The following TNFRSF13B variants were observed in gnomAD, a reference collection of about 807,000 sequenced individuals.
TNFRSF13B encodes the protein tumor necrosis factor receptor superfamily member 13B.
A neutral mutation model predicts 24.0 loss-of-function variants in TNFRSF13B; 34 were observed. The ratio of observed to expected loss-of-function variants is 1.41; its 90% CI spans 1.08 to 1.88. The LOEUF (loss-of-function observed/expected upper bound fraction) is 1.88, where lower values mean the gene tolerates loss of function less well. Among genes scored for constraint, TNFRSF13B ranks in the 40% most tolerant of loss-of-function variants. The pLI is 0.00. For synonymous variants in TNFRSF13B, 173 were observed against 150.3 expected (o/e 1.15, Z -1.10); for missense variants, 415 against 380.8 (o/e 1.09, Z -0.75).
Position 16,967,258 on chromosome 17 carries a change from A to G in TNFRSF13B, c.61+4757T>C, listed in dbSNP as rs76477752. ...TAGATTGTTCTGTAGCTATCAACAA[A>G]AGTAATGAGGAAGCTCTCTGTATGT... On this transcript the variant is annotated intron_variant, in intron 1 of 4. Transcript: ENST00000261652. Among the ~76,000 whole-genome samples the G allele has an allele frequency of 1.3e-3, 200 of 152,286 alleles. 1 individual carries two copies. Among genetic ancestry groups the G allele is most frequent in the Middle Eastern group, 0.01 (3 of 294 alleles).
intron 1 of TNFRSF13B, among the ~76,000 whole-genome samples, chr17:16,955,749 C>T (rs898285480): frequency 6.6e-6 from 1 of 152,230 alleles, no homozygotes; most frequent in African/African-American, 2.4e-5. Flanking sequence ...TCTGTGCCTC[C>T]TGCTAAATGA....
intron 1 of TNFRSF13B, among the ~76,000 whole-genome samples, chr17:16,970,412 G>A (rs1256164895): frequency 1.3e-5 from 2 of 152,122 alleles, no homozygotes; most frequent in African/African-American, 2.4e-5. Flanking sequence ...GCCTCCTCAC[G>A]GGCTTGGCCG....
chr17:16,952,860 G>A (rs1419875326), intron 1 of TNFRSF13B, among the ~76,000 whole-genome samples: 1 of 152,170 alleles, frequency 6.6e-6, no homozygotes, highest in Non-Finnish European at 1.5e-5. Context: ...ACTGGGCCCT[G>A]TTCCCTGCCC....
intron 3 of TNFRSF13B, among the ~76,000 whole-genome samples, chr17:16,942,310 C>G (rs1004289508): frequency 6.6e-6 from 1 of 152,212 alleles, no homozygotes; most frequent in Non-Finnish European, 1.5e-5. Context: ...TCCAAGCCCG[C>G]GGGCCACACA....
At chr17:16,966,834 T>TTTTC (rs2087704078) in intron 1 of TNFRSF13B, among the ~76,000 whole-genome samples, 1 of 56,812 alleles carries the variant, frequency 1.8e-5, no homozygotes, top group African/African-American at 1.5e-4. Flanking sequence ...TTCTTTTTCT[T>TTTTC]TTTTCTTTTT....
chr17:16,971,978 C>T (rs372300202), intron 1 of TNFRSF13B, 37 bp downstream of exon 1: 72 of 1,612,078 alleles, frequency 4.5e-5, no homozygotes, highest in Non-Finnish European at 9.3e-6. Context: ...CCTCACACCT[C>T]CCACCTGCCC....
At chr17:16,955,039 C>T (rs2087615274) in intron 1 of TNFRSF13B, among the ~76,000 whole-genome samples, 1 of 152,188 alleles carries the variant, frequency 6.6e-6, no homozygotes, top group African/African-American at 2.4e-5. Context: ...GAAAACAGAC[C>T]CAAAGGAAAA....
intron 1 of TNFRSF13B, among the ~76,000 whole-genome samples, chr17:16,958,142 C>G (rs66479858): frequency 0.12 from 18,831 of 151,796 alleles, 1,281 homozygotes; most frequent in East Asian, 0.22. Flanking sequence ...CTCTTATGAC[C>G]TACCGAAACT....
intron 1 of TNFRSF13B, among the ~76,000 whole-genome samples, chr17:16,956,484 G>A (rs767385644): frequency 7.2e-5 from 11 of 152,284 alleles, no homozygotes; most frequent in South Asian, 4.1e-4. Context: ...ATTTGTGTTA[G>A]GCATGTTCAA....
At position 16,939,163 on chromosome 17, in the gene TNFRSF13B, T is replaced by G; in HGVS notation, c.*384A>C. 1 of 179,372 alleles carries G rather than the reference T, an allele frequency of 5.6e-6. No homozygotes were observed. The highest frequency in any genetic ancestry group is 1.2e-5 in the Non-Finnish European group (1 of 85,798). The allele number at this position is 179,372 out of a possible 1,614,324, so 11.1% of individuals were successfully genotyped here. A position where few individuals can be genotyped will look rare whatever the true frequency, so the allele number is the denominator to read the frequency against. On this transcript the variant is annotated 3_prime_UTR_variant, in exon 5 of 5. Transcript: ENST00000261652. The stretch of plus-strand genomic sequence containing the variant: ...GCTGTGAGCAGCAGGCACGAGGACT[T>G]TATTGCACGTGTGGTTAGGTGATGA...
rs373802206 is a variant in TNFRSF13B at position 16,952,416 on chromosome 17, T to G, written c.199+30A>C. 19 of 1,613,736 alleles carry G rather than the reference T, an allele frequency of 1.2e-5. No individual in the cohort carries two copies. In the Middle Eastern group the frequency reaches 8.5e-4, roughly 72 times the overall value. On this transcript the variant is annotated intron_variant, in intron 2 of 4. Coordinates refer to ENST00000261652, the MANE Select transcript of TNFRSF13B (RefSeq NM_012452.3). ...GGAGAAAGGAGGAGGGTGATCACAC[T>G]GTCCCCTCGGCTCAGGCCCCAGAAC... is the stretch of plus-strand genomic sequence containing the variant.
chr17:16,964,754 A>T (rs759246953), intron 1 of TNFRSF13B, among the ~76,000 whole-genome samples: 3 of 152,014 alleles, frequency 2.0e-5, no homozygotes, highest in Non-Finnish European at 4.4e-5. Flanking sequence ...ACCCATCATA[A>T]TTTTCACCTC....
intron 1 of TNFRSF13B, among the ~76,000 whole-genome samples, chr17:16,966,832 CTTTTTTCTTTTTTTTTTTTT>C (rs2087704030): frequency 3.1e-5 from 3 of 95,858 alleles, no homozygotes; most frequent in South Asian, 7.2e-4. Context: ...TTTTCTTTTT[CTTTTTTCTTTTTTTTTTTTT>C]TTTTGAGATG....
chr17:16,947,647 G>C (rs746593634), intron 3 of TNFRSF13B, among the ~76,000 whole-genome samples: 1 of 152,120 alleles, frequency 6.6e-6, no homozygotes, highest in Non-Finnish European at 1.5e-5. Flanking sequence ...ACCACAATGA[G>C]GGACCATTTC....
At chr17:16,944,443 G>A (rs1016426856) in intron 3 of TNFRSF13B, among the ~76,000 whole-genome samples, 1 of 152,164 alleles carries the variant, frequency 6.6e-6, no homozygotes, top group African/African-American at 2.4e-5. Flanking sequence ...GCTCAGAGAG[G>A]GTCGGTAGCT....
intron 1 of TNFRSF13B, among the ~76,000 whole-genome samples, chr17:16,953,692 C>T (rs1228566938): frequency 6.6e-6 from 1 of 152,186 alleles, no homozygotes; most frequent in Non-Finnish European, 1.5e-5. Context: ...TCTCCATCCT[C>T]TTCTGATTTC....
chr17:16,949,133 A>T, intron 2 of TNFRSF13B, 150 bp from the exon 3 acceptor site: 1 of 979,534 alleles, frequency 1.0e-6, no homozygotes, highest in Non-Finnish European at 1.5e-6. Flanking sequence ...TACAATATAC[A>T]CATTGAAGAC....
chr17:16,969,900 G>A (rs1048113617), intron 1 of TNFRSF13B, among the ~76,000 whole-genome samples: 2 of 152,172 alleles, frequency 1.3e-5, no homozygotes, highest in African/African-American at 4.8e-5. Context: ...GGAGCAAAGA[G>A]GGAGAAAGCC....
intron 1 of TNFRSF13B, among the ~76,000 whole-genome samples, chr17:16,965,728 C>T (rs1346739652): frequency 6.6e-6 from 1 of 152,092 alleles, no homozygotes; most frequent in Non-Finnish European, 1.5e-5. Context: ...ATTCTTGGCA[C>T]AAAGTGACTG....
Sources: allele counts gnomAD v4.1 joint callset (sites outside exome capture counted in the v4.1 genomes callset), GRCh38; gene constraint gnomAD v4.1.1; transcripts MANE v1.5; gene names NCBI Gene and HGNC (gene_info 2026-07-23, HGNC 2026-07-21).